Variants in FBN2 observed in about 807,000 individuals in gnomAD.
The protein encoded by FBN2 is fibrillin 2.
A neutral mutation model predicts 355.6 loss-of-function variants in FBN2; 105 were observed. That is an observed-to-expected ratio of 0.30 (90% CI 0.25 to 0.35). FBN2 has a LOEUF of 0.35. Among genes scored for constraint, FBN2 ranks in the 10% least tolerant of loss-of-function variants. The pLI is 1.00. For missense variants in FBN2, 3,280 were observed against 3,758.7 expected, an observed-to-expected ratio of 0.87 and a Z score of 3.33; for synonymous variants, 1,350 against 1,301.2, an observed-to-expected ratio of 1.04 and a Z score of -0.81.
intron 5 of FBN2, among the ~76,000 whole-genome samples, chr5:128,516,338 T>C (rs1037464445): frequency 6.6e-6 from 1 of 152,112 alleles, no homozygotes; most frequent in Admixed American, 6.6e-5. Flanking sequence ...AAATGAGCTG[T>C]CTGCATTTTA....
chr5:128,498,096 G>A (rs1323108944), intron 5 of FBN2, among the ~76,000 whole-genome samples: 1 of 152,184 alleles, frequency 6.6e-6, no homozygotes, highest in Non-Finnish European at 1.5e-5. Flanking sequence ...TACTGGGAAT[G>A]CAGAGGGCAG....
intron 2 of FBN2, among the ~76,000 whole-genome samples, chr5:128,533,101 T>C (rs989583012): frequency 8.5e-5 from 13 of 152,350 alleles, no homozygotes; most frequent in Admixed American, 7.8e-4. Flanking sequence ...AAAAATATTT[T>C]AGGCAAGAAT....
intron 11 of FBN2, among the ~76,000 whole-genome samples, chr5:128,385,409 A>G (rs1196850243): frequency 6.6e-6 from 1 of 152,166 alleles, no homozygotes; most frequent in Non-Finnish European, 1.5e-5. Context: ...TTATGGCTAC[A>G]TAGTATTCCA....
intron 11 of FBN2, among the ~76,000 whole-genome samples, chr5:128,389,731 T>A (rs1241620137): frequency 6.6e-6 from 1 of 152,174 alleles, no homozygotes; most frequent in East Asian, 1.9e-4. Context: ...CTTCTGCAGG[T>A]AGGATTCCAG....
At position 128,392,988 on chromosome 5, in the gene FBN2, G is replaced by GTC. The variant is rs1001356336; in HGVS notation, c.1465+145_1465+146dup. ...CAGACCTTGAAACACTTTTCCCTCT[G>GTC]TCTCTCTCTCTCTCGCACCCACAAA... On this transcript the variant is annotated intron_variant, in intron 10 of 64. Coordinates refer to ENST00000262464, the MANE Select transcript of FBN2 (RefSeq NM_001999.4). 1.5e-4 allele frequency: 105 copies of GTC among 686,570 alleles called. 1 individual carries two copies. Among genetic ancestry groups the GTC allele is most frequent in the East Asian group, 7.2e-4 (26 of 36,234 alleles). The allele number at this position is 686,570 out of a possible 1,614,324, so 42.5% of individuals were successfully genotyped here.
At chr5:128,326,611 G>A (rs1750555349) in intron 34 of FBN2, among the ~76,000 whole-genome samples, 1 of 152,112 alleles carries the variant, frequency 6.6e-6, no homozygotes, top group African/African-American at 2.4e-5. Flanking sequence ...AGACAACAAG[G>A]GATTAAAATA....
At chr5:128,276,185 A>T in intron 58 of FBN2, 25 bp from the exon 59 acceptor site, 1 of 1,611,936 alleles carries the variant, frequency 6.2e-7, no homozygotes, top group Non-Finnish European at 8.5e-7. Context: ...TGTGAAGATT[A>T]AATTACTGGT....
Position 128,500,016 on chromosome 5 carries a change from T to C in FBN2, c.628+19257A>G, listed in dbSNP as rs367930110. On this transcript the variant is annotated intron_variant, in intron 5 of 64. Coordinates refer to ENST00000262464, the MANE Select transcript of FBN2 (RefSeq NM_001999.4). ...ATTAACGTTTCTTGATTGAGTAATA[T>C]GCACTTAATAAAGTGCAACAATATT... Among the ~76,000 whole-genome samples the C allele has an allele frequency of 8.5e-5, 13 of 152,324 alleles. No homozygotes were observed. The East Asian group carries it at 2.5e-3, about 29-fold the overall frequency.
chr5:128,264,663 T>C (rs942118949), intron 62 of FBN2, among the ~76,000 whole-genome samples: 1 of 152,210 alleles, frequency 6.6e-6, no homozygotes, highest in African/African-American at 2.4e-5. Flanking sequence ...TCACATCTGT[T>C]CCATGGAATT....
At chr5:128,517,633 T>A (rs1317535953) in intron 5 of FBN2, among the ~76,000 whole-genome samples, 1 of 152,172 alleles carries the variant, frequency 6.6e-6, no homozygotes, top group Non-Finnish European at 1.5e-5. Flanking sequence ...GTGAAAAAGA[T>A]TTTACTTTTC....
In FBN2 at chr5:128,301,458, A is replaced by G; in HGVS notation, c.5970T>C (p.Cys1990=). 6.2e-7 allele frequency: 1 copy of G among 1,613,598 alleles called. No individual in the cohort carries two copies. Among genetic ancestry groups the G allele is most frequent in the Non-Finnish European group, 8.5e-7 (1 of 1,179,688 alleles). ...ACTTGAAAGAACCAATTTCATTAAA[A>G]CAACGTCCATTTCTGCACACCTGAC... is the stretch of plus-strand genomic sequence containing the variant. ...FFGQVCRNGR[C]FNEIGSFKCL... The change falls in exon 47 of 65, where the codon TGT becomes TGC. Residue 1990 remains cysteine (C), a synonymous_variant. Coordinates refer to ENST00000262464, the MANE Select transcript of FBN2 (RefSeq NM_001999.4).
At chr5:128,274,216 CAT>C (rs1168588825) in intron 60 of FBN2, among the ~76,000 whole-genome samples, 1 of 152,168 alleles carries the variant, frequency 6.6e-6, no homozygotes, top group Non-Finnish European at 1.5e-5. Context: ...AGTTCCTTAA[CAT>C]GTGTCTTCTA....
intron 20 of FBN2, among the ~76,000 whole-genome samples, chr5:128,352,021 A>C (rs1343445063): frequency 6.6e-6 from 1 of 152,198 alleles, no homozygotes; most frequent in Non-Finnish European, 1.5e-5. Flanking sequence ...GTCCCTACTA[A>C]ATAAATCACA....
chr5:128,522,189 T>C (rs562789925), intron 4 of FBN2, among the ~76,000 whole-genome samples: 1 of 152,304 alleles, frequency 6.6e-6, no homozygotes, highest in Admixed American at 6.5e-5. Flanking sequence ...TGTATTTCTG[T>C]CTCTCATGTG....
intron 6 of FBN2, among the ~76,000 whole-genome samples, chr5:128,459,202 A>C (rs1465280979): frequency 6.6e-6 from 1 of 152,186 alleles, no homozygotes; most frequent in African/African-American, 2.4e-5. Context: ...GAAATCTAGT[A>C]GAAATGGATA....
At chr5:128,389,433 T>C (rs189060316) in intron 11 of FBN2, among the ~76,000 whole-genome samples, 2 of 152,334 alleles carry the variant, frequency 1.3e-5, no homozygotes, top group African/African-American at 4.8e-5. Flanking sequence ...CATCTGAGGC[T>C]GTGCTCCAAG....
chr5:128,395,159 G>A lies in FBN2; in HGVS notation c.1194C>T (p.Ile398=), dbSNP rs766004910. The A allele has an allele frequency of 1.4e-5, 23 of 1,613,994 alleles. No individual in the cohort carries two copies. The highest frequency in any genetic ancestry group is 1.6e-4 in the Middle Eastern group (1 of 6,084). Residue 398 remains isoleucine (I), a synonymous_variant, in exon 9 of 65, where the codon ATC becomes ATT. Transcript: ENST00000262464. ...CCCEPGRCWG[I]GTIPEACPVR... ...CAGGACAGGCTTCAGGAATGGTTCC[G>A]ATGCCCCAGCAGCGGCCAGGCTCAC...
chr5:128,289,366 C>G, intron 51 of FBN2, 114 bp from the exon 52 acceptor site: 1 of 1,050,946 alleles, frequency 9.5e-7, no homozygotes, highest in Non-Finnish European at 1.5e-6. Context: ...GGTGGATCAC[C>G]TGAGGTCAGG....
intron 11 of FBN2, among the ~76,000 whole-genome samples, chr5:128,386,161 T>C (rs558903279): frequency 3.9e-5 from 6 of 152,186 alleles, no homozygotes; most frequent in Admixed American, 3.3e-4. Flanking sequence ...TTAGGTTTTA[T>C]ATTTAAGTCT....
Sources: gnomAD v4.1 joint callset for allele counts (sites outside exome capture counted in the v4.1 genomes callset) on GRCh38, gnomAD v4.1.1 for gene constraint, MANE v1.5 for transcripts, NCBI Gene and HGNC (gene_info 2026-07-23, HGNC 2026-07-21) for gene names.